Variants in EFNB1 observed in about 807,000 individuals in gnomAD.
The protein encoded by EFNB1 is ephrin B1.
In EFNB1, 1 loss-of-function variant was observed where a neutral mutation model predicts 18.1. The observed-to-expected ratio is 0.06, with a 90% CI of 0.02 to 0.26. The LOEUF (loss-of-function observed/expected upper bound fraction) is 0.26, where lower values mean the gene tolerates loss of function less well. Ranked by LOEUF, EFNB1 falls within the 10% of genes least tolerant of loss-of-function variation. EFNB1 has a pLI of 1.00. For missense variants in EFNB1, 221 were observed against 301.8 expected (o/e 0.73, Z 1.98); for synonymous variants, 131 against 127.5 (o/e 1.03, Z -0.19).
chrX:68,841,103 A>G lies in EFNB1; in HGVS notation c.*449A>G, dbSNP rs910118292. Reference sequence around the variant, plus strand: ...AGAAAAATGGAAAAATGTAAAAGGCAGCCCCTCCCCAGGCTTTGTGAGCCT... The same window carrying G: ...AGAAAAATGGAAAAATGTAAAAGGCGGCCCCTCCCCAGGCTTTGTGAGCCT... On this transcript the variant is annotated 3_prime_UTR_variant, in exon 5 of 5. Transcript: ENST00000204961. 6.5e-5 allele frequency: 10 copies of G among 153,973 alleles called. No homozygotes were observed. Among genetic ancestry groups the G allele is most frequent in the Non-Finnish European group, 1.1e-4 (9 of 79,236 alleles). The allele number at this position is 153,973 out of a possible 1,213,427, so 12.7% of individuals were successfully genotyped here.
Position 68,840,802 on chromosome X carries a change from T to G in EFNB1, c.*148T>G. On this transcript the variant is annotated 3_prime_UTR_variant, in exon 5 of 5. Coordinates refer to ENST00000204961, the MANE Select transcript of EFNB1 (RefSeq NM_004429.5). ...GGCTTTTATAATCCCCCTTTTTCCC[T>G]GCCCCCTGGGCTTCGGAGGGGGGTG... The G allele has an allele frequency of 1.5e-6, 1 of 673,737 alleles. No homozygotes were observed. The highest frequency in any genetic ancestry group is 2.2e-6 in the Non-Finnish European group (1 of 445,920). The allele number at this position is 673,737 out of a possible 1,213,427, so 55.5% of individuals were successfully genotyped here.
intron 2 of EFNB1, 24 bp downstream of exon 2, chrX:68,838,918 C>T: frequency 8.4e-7 from 1 of 1,185,531 alleles, no homozygotes; most frequent in Non-Finnish European, 1.1e-6. Context: ...ATCCCATCCT[C>T]TGGCTCTCTC....
chrX:68,832,990 C>G (rs1161877546), intron 1 of EFNB1, among the ~76,000 whole-genome samples: 1 of 110,711 alleles, frequency 9.0e-6, no homozygotes, highest in Non-Finnish European at 1.9e-5. Flanking sequence ...CCGTCCTGAC[C>G]CCTTCCTGCC....
At chrX:68,830,955 G>A (rs2080443581) in intron 1 of EFNB1, among the ~76,000 whole-genome samples, 1 of 111,757 alleles carries the variant, frequency 8.9e-6, no homozygotes, top group Non-Finnish European at 1.9e-5. Context: ...GTGGGAAGTC[G>A]CTGGGGCTGT....
rs143341175 is a variant in EFNB1 at position 68,840,456 on chromosome X, G to T, written c.843G>T (p.Ser281=). The T allele has an allele frequency of 1.5e-5, 18 of 1,210,320 alleles. No homozygotes were observed. In the Admixed American group the frequency reaches 3.3e-4, roughly 22 times the overall value. ...KHTQQRAAAL[S]LSTLASPKGG... ...CACAGCAGCGGGCGGCTGCCCTCTC[G>T]CTCAGTACCCTGGCCAGTCCCAAGG... Residue 281 remains serine, a synonymous_variant, in exon 5 of 5, where the codon TCG becomes TCT. Transcript: ENST00000204961.
chrX:68,832,139 A>G (rs2080447311), intron 1 of EFNB1, among the ~76,000 whole-genome samples: 1 of 110,525 alleles, frequency 9.0e-6, no homozygotes, highest in African/African-American at 3.3e-5. Context: ...TCAGGCTGCC[A>G]CAGCCTTTCA....
In EFNB1 at chrX:68,829,590, G is replaced by T. The variant is rs1174567551; in HGVS notation, c.-187G>T. On this transcript the variant is annotated 5_prime_UTR_variant, in exon 1 of 5. The change abolishes the stop of an existing upstream ORF in the 5' untranslated region. Transcript: ENST00000204961. ...CCCGGGTTGGGGGCGGCTGCCCAGTGAGTCCTCCTGGCCGGCCGGGCGGAG... is the reference window on the plus strand; with the variant it reads ...CCCGGGTTGGGGGCGGCTGCCCAGTTAGTCCTCCTGGCCGGCCGGGCGGAG... 3 of 736,361 alleles carry T rather than the reference G, an allele frequency of 4.1e-6. No individual in the cohort carries two copies. The highest frequency in any genetic ancestry group is 5.9e-6 in the Non-Finnish European group (3 of 510,011). The allele number at this position is 736,361 out of a possible 1,213,427, so 60.7% of individuals were successfully genotyped here. A position where few individuals can be genotyped will look rare whatever the true frequency, so the allele number is the denominator to read the frequency against.
intron 1 of EFNB1, among the ~76,000 whole-genome samples, chrX:68,830,590 G>A (rs1029121116): frequency 1.2e-4 from 14 of 112,581 alleles, no homozygotes; most frequent in African/African-American, 4.5e-4. Context: ...TGGTCGTTGG[G>A]TAGTGGGGGT....
Position 68,840,491 on chromosome X carries a change from G to T in EFNB1, c.878G>T (p.Gly293Val). 1 of 1,210,981 alleles carries T rather than the reference G, an allele frequency of 8.3e-7. No homozygotes were observed. The highest frequency in any genetic ancestry group is 1.8e-5 in the South Asian group (1 of 56,834). Residue 293 changes from glycine (G) to valine (V), a missense_variant, in exon 5 of 5, where the codon GGC (glycine) becomes GTC (valine). By Grantham distance (109) the Gly-to-Val change is moderately radical (BLOSUM62 -3). Transcript: ENST00000204961. ...CTGGCCAGTCCCAAGGGGGGCAGTG[G>T]CACAGCGGGCACCGAGCCCAGCGAC... ...STLASPKGGS[G>V]TAGTEPSDII... is the part of the protein sequence containing the mutation.
At chrX:68,838,183 G>GCA (rs2080466972) in intron 1 of EFNB1, among the ~76,000 whole-genome samples, 1 of 102,086 alleles carries the variant, frequency 9.8e-6, no homozygotes, top group Non-Finnish European at 2.0e-5. Context: ...GCGCGCGCGC[G>GCA]CGCGCACGTG....
chrX:68,838,179 G>A (rs1263419495), intron 1 of EFNB1, among the ~76,000 whole-genome samples: 9 of 22,611 alleles, frequency 4.0e-4, no homozygotes, highest in South Asian at 1.9e-3. Context: ...GTGTGCGCGC[G>A]CGCGCGCGCA....
chrX:68,833,316 A>C (rs1006529351), intron 1 of EFNB1, among the ~76,000 whole-genome samples: 2 of 111,496 alleles, frequency 1.8e-5, no homozygotes, highest in Non-Finnish European at 3.8e-5. Flanking sequence ...CCTGAGAGTG[A>C]TGGGAATCCA....
intron 1 of EFNB1, among the ~76,000 whole-genome samples, chrX:68,830,134 C>A (rs2080440927): frequency 9.0e-6 from 1 of 111,442 alleles, no homozygotes; most frequent in Non-Finnish European, 1.9e-5. Context: ...CCCCCTGCCT[C>A]TGCACGTCTT....
chrX:68,840,165 A>C, intron 4 of EFNB1, 77 bp downstream of exon 4: 1 of 1,209,946 alleles, frequency 8.3e-7, no homozygotes, highest in Non-Finnish European at 1.1e-6. Context: ...AAGAAATGCA[A>C]GCTGGGCCTG....
At position 68,840,728 on chromosome X, in the gene EFNB1, C is replaced by G; in HGVS notation, c.*74C>G. ...ACCTCTCCTTTCGCCCCCACACCCCCTCCCCTTGCCAGCTGTGCCCACCTT... is the reference window on the plus strand; with the variant it reads ...ACCTCTCCTTTCGCCCCCACACCCCGTCCCCTTGCCAGCTGTGCCCACCTT... On this transcript the variant is annotated 3_prime_UTR_variant, in exon 5 of 5. Transcript: ENST00000204961. 2.8e-6 allele frequency: 3 copies of G among 1,060,280 alleles called. No individual in the cohort carries two copies. Among genetic ancestry groups the G allele is most frequent in the Non-Finnish European group, 3.9e-6 (3 of 778,905 alleles). 87.4% of individuals were successfully genotyped at this position (1,060,280 alleles called of 1,213,427 possible). A position where few individuals can be genotyped will look rare whatever the true frequency, so the allele number is the denominator to read the frequency against.
chrX:68,831,185 C>T (rs1272907212), intron 1 of EFNB1, among the ~76,000 whole-genome samples: 1 of 111,183 alleles, frequency 9.0e-6, no homozygotes, highest in Non-Finnish European at 1.9e-5. Flanking sequence ...CCGCCTCCCC[C>T]CCAGCCCCGC....
rs76236843 is a variant in EFNB1 at position 68,832,523 on chromosome X, G to GA, written c.128+2629dup. Among the ~76,000 whole-genome samples, 25 of 108,180 alleles carry GA rather than the reference G, an allele frequency of 2.3e-4. No homozygotes were observed. The South Asian group carries it at 3.6e-3, about 15-fold the overall frequency. 93.9% of individuals were successfully genotyped at this position (108,180 alleles called of 115,157 possible). ...CCCTGCTTAATTGCTTCCTTCTTGG[G>GA]AAAAAAAAAATCAAAATAAAAGAAG... is the stretch of plus-strand genomic sequence containing the variant. On this transcript the variant is annotated intron_variant, in intron 1 of 4. Coordinates refer to ENST00000204961, the MANE Select transcript of EFNB1 (RefSeq NM_004429.5).
At chrX:68,832,161 C>T (rs1371350194) in intron 1 of EFNB1, among the ~76,000 whole-genome samples, 1 of 110,398 alleles carries the variant, frequency 9.1e-6, no homozygotes, top group Non-Finnish European at 1.9e-5. Flanking sequence ...ATAAACAGTC[C>T]CTCTCTGTCT....
rs1485487685 is a variant in EFNB1 at position 68,829,292 on chromosome X, G to A, written c.-485G>A. On this transcript the variant is annotated 5_prime_UTR_variant, in exon 1 of 5. Transcript: ENST00000204961. ...CCCGGAGGAACGGAGCCCGTGCCAG[G>A]GCGGCCCAGTCGGGAGCCCGGGGAC... 1.2e-5 allele frequency: 2 copies of A among 162,291 alleles called. No individual in the cohort carries two copies. The highest frequency in any genetic ancestry group is 1.6e-4 in the Admixed American group (2 of 12,889). 13.4% of individuals were successfully genotyped at this position (162,291 alleles called of 1,213,427 possible).
Sources: allele counts gnomAD v4.1 joint callset (sites outside exome capture counted in the v4.1 genomes callset), GRCh38; gene constraint gnomAD v4.1.1; transcripts MANE v1.5; gene names NCBI Gene and HGNC (gene_info 2026-07-23, HGNC 2026-07-21).